NWD1: variants seen among roughly 807,000 people sequenced by gnomAD.
NWD1 encodes the protein NACHT and WD repeat domain containing 1.
Under a neutral mutation model 135.1 loss-of-function variants are expected in NWD1, and 129 were observed. That is an observed-to-expected ratio of 0.96 (90% confidence interval 0.83 to 1.11). The LOEUF (loss-of-function observed/expected upper bound fraction) is 1.11, where lower values mean the gene tolerates loss of function less well. Among genes scored for constraint, NWD1 ranks in the 50% least tolerant of loss-of-function variants. The pLI, the probability that NWD1 is intolerant of heterozygous loss-of-function variation, is 0.00. For synonymous variants in NWD1, 773 were observed against 786.0 expected, an observed-to-expected ratio of 0.98 and a Z score of 0.28; for missense variants, 1,740 against 1,851.3, an observed-to-expected ratio of 0.94 and a Z score of 1.10.
chr19:16,774,735 T>C (rs527646932), intron 11 of NWD1, among the ~76,000 whole-genome samples: 122 of 152,068 alleles, frequency 8.0e-4, no homozygotes, highest in African/African-American at 2.9e-3. Context: ...CATTCATTCA[T>C]CCTTCAACCC....
intron 6 of NWD1, among the ~76,000 whole-genome samples, chr19:16,752,217 TG>T (rs67232978): frequency 0.026 from 3,867 of 150,564 alleles, 114 homozygotes; most frequent in African/African-American, 0.073. Flanking sequence ...GTTTTAGGGT[TG>T]TTTTTTTTTT....
chr19:16,729,251 G>T, intron 2 of NWD1, among the ~76,000 whole-genome samples: 1 of 152,006 alleles, frequency 6.6e-6, no homozygotes, highest in East Asian at 1.9e-4. Context: ...CAGCTGCATG[G>T]CCCTGTGTGA....
chr19:16,737,994 A>AGAAAT (rs765510846), intron 4 of NWD1, among the ~76,000 whole-genome samples: 5 of 150,840 alleles, frequency 3.3e-5, no homozygotes, highest in Non-Finnish European at 7.4e-5. Flanking sequence ...AGAAAAGAAA[A>AGAAAT]GAAAAGAAAA....
At chr19:16,797,600 G>T in intron 15 of NWD1, 132 bp from the exon 16 acceptor site, 4 of 766,484 alleles carry the variant, frequency 5.2e-6, no homozygotes, top group Non-Finnish European at 8.6e-6. Flanking sequence ...TGCCCGCCTT[G>T]GCGTCCCAAA....
chr19:16,762,571 C>A (rs1020972538), intron 8 of NWD1, among the ~76,000 whole-genome samples: 1 of 152,072 alleles, frequency 6.6e-6, no homozygotes, highest in Admixed American at 6.6e-5. Context: ...AACAAACAAA[C>A]AAAGTACAGA....
In NWD1 at chr19:16,742,989, T is replaced by C. The variant is rs368603365; in HGVS notation, c.199-1432T>C. 2.2e-4 allele frequency among the ~76,000 whole-genome samples: 33 copies of C among 151,048 alleles called. No homozygotes were observed. The East Asian group carries it at 4.1e-3, about 19-fold the overall frequency. On this transcript the variant is annotated intron_variant, in intron 4 of 18. Coordinates refer to ENST00000524140, the MANE Select transcript of NWD1 (RefSeq NM_001007525.5). The stretch of plus-strand genomic sequence containing the variant: ...GTGTAGTGGTGCCATCTTGGCTCAC[T>C]GCAACCTTCGCCTCCCGGCTTCAAG...
At position 16,720,280 on chromosome 19, in the gene NWD1, C is replaced by T. The variant is rs1480178490; in HGVS notation, c.-118C>T. ...ACAGACAAACAATAACATGTAGAAA[C>T]ATATCAGCTGTTGGTGAGTACCATG... On this transcript the variant is annotated 5_prime_UTR_variant, in exon 1 of 19. Coordinates refer to ENST00000524140, the MANE Select transcript of NWD1 (RefSeq NM_001007525.5). 1 of 152,174 alleles carries T rather than the reference C, an allele frequency of 6.6e-6. No homozygotes were observed. The highest frequency in any genetic ancestry group is 1.5e-5 in the Non-Finnish European group (1 of 68,052). 9.4% of individuals were successfully genotyped at this position (152,174 alleles called of 1,614,324 possible). A position where few individuals can be genotyped will look rare whatever the true frequency, so the allele number is the denominator to read the frequency against.
Position 16,759,117 on chromosome 19 carries a change from T to C in NWD1, c.1770-108T>C, listed in dbSNP as rs531025584. On this transcript the variant is annotated intron_variant, in intron 6 of 18. Coordinates refer to ENST00000524140, the MANE Select transcript of NWD1 (RefSeq NM_001007525.5). ...GTCCAAATGCTGATCCCAGGTGATG[T>C]GCTGGACACCGCGCGGGTGGCTGTA... 136 of 845,972 alleles carry C rather than the reference T, an allele frequency of 1.6e-4. No individual in the cohort carries two copies. The African/African-American group carries it at 2.0e-3, about 13-fold the overall frequency. The allele number at this position is 845,972 out of a possible 1,614,324, so 52.4% of individuals were successfully genotyped here. A position where few individuals can be genotyped will look rare whatever the true frequency, so the allele number is the denominator to read the frequency against.
At chr19:16,723,190 T>C (rs1413360504) in intron 1 of NWD1, among the ~76,000 whole-genome samples, 2 of 152,028 alleles carry the variant, frequency 1.3e-5, no homozygotes, top group East Asian at 1.9e-4. Context: ...CGAATCACCA[T>C]GTCCAGCTGA....
At chr19:16,792,038 G>A (rs1673023332) in intron 14 of NWD1, among the ~76,000 whole-genome samples, 1 of 152,088 alleles carries the variant, frequency 6.6e-6, no homozygotes, top group African/African-American at 2.4e-5. Context: ...TTAATCGTAG[G>A]GATTTGCAGT....
intron 6 of NWD1, 143 bp downstream of exon 6, chr19:16,750,554 A>G: frequency 3.4e-6 from 2 of 594,712 alleles, no homozygotes; most frequent in Non-Finnish European, 5.5e-6. Flanking sequence ...TCCCAGGCTC[A>G]AGTGATCCTC....
chr19:16,757,279 C>A (rs1309528925), intron 6 of NWD1, among the ~76,000 whole-genome samples: 1 of 152,158 alleles, frequency 6.6e-6, no homozygotes, highest in East Asian at 1.9e-4. Context: ...AATGATCTGA[C>A]CCCAAACATC....
intron 6 of NWD1, among the ~76,000 whole-genome samples, chr19:16,757,429 G>A (rs753480061): frequency 2.0e-5 from 3 of 152,116 alleles, no homozygotes; most frequent in Non-Finnish European, 2.9e-5. Flanking sequence ...GATCATACTC[G>A]CCAGAATAAG....
intron 4 of NWD1, among the ~76,000 whole-genome samples, chr19:16,743,881 C>T (rs117941268): frequency 0.036 from 5,502 of 151,874 alleles, 123 homozygotes; most frequent in Middle Eastern, 0.048. Flanking sequence ...TGGGATTTCA[C>T]TATGTTGGCC....
chr19:16,783,853 T>C (rs2123016554), intron 12 of NWD1, among the ~76,000 whole-genome samples: 2 of 152,186 alleles, frequency 1.3e-5, no homozygotes, highest in East Asian at 3.9e-4. Context: ...CAATGCAGTA[T>C]AACAACTATT....
chr19:16,783,868 T>C (rs1388784038), intron 12 of NWD1, among the ~76,000 whole-genome samples: 2 of 152,104 alleles, frequency 1.3e-5, no homozygotes, highest in African/African-American at 2.4e-5. Flanking sequence ...ACTATTTACA[T>C]AGCACGTATG....
At chr19:16,790,537 C>T (rs939604382) in intron 13 of NWD1, among the ~76,000 whole-genome samples, 17 of 151,192 alleles carry the variant, frequency 1.1e-4, no homozygotes, top group Admixed American at 4.0e-4. Flanking sequence ...ACCTAGATGA[C>T]GGGTTGATAG....
In NWD1 at chr19:16,780,175, A is replaced by G. The variant is rs111484119; in HGVS notation, c.2731+710A>G. On this transcript the variant is annotated intron_variant, in intron 12 of 18. Transcript: ENST00000524140. ...CAAGGTTTCTTTTTTTTTTTTTTTG[A>G]GACGGAGTCTTGCTCTGTCGCCCAA... Among the ~76,000 whole-genome samples the G allele has an allele frequency of 3.5e-3, 497 of 140,050 alleles. 5 individuals are homozygous for G. The highest frequency in any genetic ancestry group is 0.013 in the African/African-American group (461 of 35,536). The allele number at this position is 140,050 out of a possible 152,430, so 91.9% of individuals were successfully genotyped here. A position where few individuals can be genotyped will look rare whatever the true frequency, so the allele number is the denominator to read the frequency against.
chr19:16,736,370 C>T (rs1378521519), intron 3 of NWD1, among the ~76,000 whole-genome samples: 1 of 152,050 alleles, frequency 6.6e-6, no homozygotes, highest in Non-Finnish European at 1.5e-5. Flanking sequence ...GCTGGGACTA[C>T]AGGTGCCCAC....
Sources: gnomAD v4.1 joint callset for allele counts (sites outside exome capture counted in the v4.1 genomes callset) on GRCh38, gnomAD v4.1.1 for gene constraint, MANE v1.5 for transcripts, NCBI Gene and HGNC (gene_info 2026-07-23, HGNC 2026-07-21) for gene names.